Variants in RPS6KC1 observed in about 807,000 individuals in gnomAD.
The protein encoded by RPS6KC1 is ribosomal protein S6 kinase C1.
RPS6KC1 carries 54 observed loss-of-function variants against 103.8 expected under a neutral mutation model. That is an observed-to-expected ratio of 0.52 (90% confidence interval 0.42 to 0.65). The LOEUF is 0.65. Ranked by LOEUF, RPS6KC1 falls within the 30% of genes least tolerant of loss-of-function variation. RPS6KC1 has a pLI of 0.00. For missense variants in RPS6KC1, 1,151 were observed against 1,253.8 expected (o/e 0.92, Z 1.24); for synonymous variants, 439 against 438.7 (o/e 1.00, Z -0.01).
the RPS6KC1 span, among the ~76,000 whole-genome samples, chr1:213,460,159 A>T: frequency 6.6e-6 from 1 of 151,886 alleles, no homozygotes; most frequent in Admixed American, 6.6e-5. Flanking sequence ...TGTCTTGTTG[A>T]TCTAATATTG....
chr1:213,607,309 A>G, the RPS6KC1 span, among the ~76,000 whole-genome samples: 2 of 152,228 alleles, frequency 1.3e-5, no homozygotes, highest in African/African-American at 4.8e-5. Context: ...AAAGAAAAGA[A>G]ATGGGATATA....
the RPS6KC1 span, among the ~76,000 whole-genome samples, chr1:213,571,394 C>T: frequency 6.6e-6 from 1 of 152,098 alleles, no homozygotes; most frequent in Admixed American, 6.6e-5. Context: ...CGGAGAGGGC[C>T]TTGAGTTGTC....
At chr1:213,339,795 G>A in the RPS6KC1 span, among the ~76,000 whole-genome samples, 2 of 152,192 alleles carry the variant, frequency 1.3e-5, no homozygotes, top group Non-Finnish European at 2.9e-5. Flanking sequence ...GTCCCAGGAC[G>A]CATGGTGGCT....
At chr1:213,776,298 C>T in the RPS6KC1 span, among the ~76,000 whole-genome samples, 1 of 152,082 alleles carries the variant, frequency 6.6e-6, no homozygotes, top group African/African-American at 2.4e-5. Context: ...GCAGCTATAC[C>T]CTCATAAAAA....
At chr1:213,187,611 G>A (rs1034462428) in intron 8 of RPS6KC1, among the ~76,000 whole-genome samples, 7 of 151,698 alleles carry the variant, frequency 4.6e-5, no homozygotes, top group African/African-American at 1.5e-4. Flanking sequence ...CTTGGAGGTC[G>A]CTGACTTTCC....
chr1:213,660,772 T>C, the RPS6KC1 span, among the ~76,000 whole-genome samples: 1 of 149,570 alleles, frequency 6.7e-6, no homozygotes, highest in Non-Finnish European at 1.5e-5. Context: ...GCAGAGTAGT[T>C]TTGCAGAAAA....
chr1:213,356,766 T>A, the RPS6KC1 span, among the ~76,000 whole-genome samples: 1 of 152,216 alleles, frequency 6.6e-6, no homozygotes, highest in Non-Finnish European at 1.5e-5. Context: ...GCAGTTTACA[T>A]CCTGCCAGCT....
chr1:213,680,342 GA>G, the RPS6KC1 span, among the ~76,000 whole-genome samples: 2 of 152,192 alleles, frequency 1.3e-5, no homozygotes, highest in African/African-American at 4.8e-5. Context: ...CTCTAGTGCT[GA>G]AAGCTGCCTT....
the RPS6KC1 span, chr1:213,428,770 A>T: frequency 1.3e-5 from 2 of 152,250 alleles, no homozygotes; most frequent in African/African-American, 4.8e-5. Context: ...ACCAACACAC[A>T]GAGCTTGTTT....
At chr1:213,151,576 T>C (rs1383161462) in intron 6 of RPS6KC1, among the ~76,000 whole-genome samples, 50 of 67,336 alleles carry the variant, frequency 7.4e-4, no homozygotes, top group Admixed American at 9.3e-4. Context: ...ACCTCCCGGA[T>C]GGGGCGGCTG....
intron 8 of RPS6KC1, among the ~76,000 whole-genome samples, chr1:213,188,226 C>T (rs74975870): frequency 0.034 from 5,094 of 151,992 alleles, 114 homozygotes; most frequent in Middle Eastern, 0.054. Flanking sequence ...GGACAAGTCT[C>T]CTGCTTGGGA....
intron 8 of RPS6KC1, among the ~76,000 whole-genome samples, chr1:213,202,163 C>CT (rs1360484017): frequency 6.6e-6 from 1 of 152,100 alleles, no homozygotes; most frequent in Non-Finnish European, 1.5e-5. Context: ...AACTATAGCT[C>CT]TTTATCATTA....
chr1:213,525,916 C>T, the RPS6KC1 span, among the ~76,000 whole-genome samples: 5 of 152,092 alleles, frequency 3.3e-5, no homozygotes, highest in South Asian at 4.1e-4. Flanking sequence ...GTGGAAACAG[C>T]GAGTATAAAT....
the RPS6KC1 span, among the ~76,000 whole-genome samples, chr1:213,454,255 C>T: frequency 2.6e-5 from 4 of 152,042 alleles, no homozygotes; most frequent in South Asian, 6.2e-4. Context: ...AACAAGGACA[C>T]GTGAAATTTA....
At chr1:213,167,132 G>A (rs1198179900) in intron 6 of RPS6KC1, among the ~76,000 whole-genome samples, 1 of 152,116 alleles carries the variant, frequency 6.6e-6, no homozygotes, top group African/African-American at 2.4e-5. Context: ...CTCCTGACTA[G>A]GGGGGCCCAT....
the RPS6KC1 span, among the ~76,000 whole-genome samples, chr1:213,602,189 T>TC: frequency 7.7e-5 from 8 of 103,370 alleles, no homozygotes; most frequent in African/African-American, 1.2e-4. Flanking sequence ...TTTCTTTCTT[T>TC]TTCCCTCCCT....
chr1:213,608,614 A>C, the RPS6KC1 span, among the ~76,000 whole-genome samples: 1 of 152,092 alleles, frequency 6.6e-6, no homozygotes, highest in Non-Finnish European at 1.5e-5. Context: ...TGATTATAAA[A>C]GTAATTCCTG....
At chr1:213,496,641 C>T in the RPS6KC1 span, among the ~76,000 whole-genome samples, 2 of 152,018 alleles carry the variant, frequency 1.3e-5, no homozygotes, top group Admixed American at 6.6e-5. Flanking sequence ...GCCTATAATC[C>T]CAGCTACTCG....
the RPS6KC1 span, among the ~76,000 whole-genome samples, chr1:213,596,186 A>G: frequency 1.1e-4 from 16 of 152,338 alleles, no homozygotes; most frequent in East Asian, 9.6e-4. Context: ...CCATTAAGAC[A>G]GGCTATGAAG....
Sources: allele counts gnomAD v4.1 joint callset (sites outside exome capture counted in the v4.1 genomes callset), GRCh38; gene constraint gnomAD v4.1.1; transcripts MANE v1.5; gene names NCBI Gene and HGNC (gene_info 2026-07-23, HGNC 2026-07-21).